Variants in MFSD6 observed in about 807,000 individuals in gnomAD.
MFSD6 encodes major facilitator superfamily domain-containing protein 6.
Under a neutral mutation model 56.3 loss-of-function variants are expected in MFSD6, and 26 were observed. That is an observed-to-expected ratio of 0.46 (90% CI 0.34 to 0.64). The LOEUF (loss-of-function observed/expected upper bound fraction) is 0.64, where lower values mean the gene tolerates loss of function less well. MFSD6 is among the 30% of genes least tolerant of loss of function. The pLI is 0.01. For missense variants in MFSD6, 750 were observed against 986.2 expected (o/e 0.76, Z 3.21); for synonymous variants, 331 against 366.9 (o/e 0.90, Z 1.12).
intron 4 of MFSD6, among the ~76,000 whole-genome samples, chr2:190,486,578 CTTG>C (rs1689021351): frequency 6.6e-6 from 1 of 152,170 alleles, no homozygotes; most frequent in African/African-American, 2.4e-5. Context: ...GATCACTGTC[CTTG>C]TTGCTGATGT....
rs1559109240 is a variant in MFSD6 at position 190,434,694 on chromosome 2, AGT to A, written c.-53-1281_-53-1280del. 1.3e-5 allele frequency among the ~76,000 whole-genome samples: 2 copies of A among 152,166 alleles called. No homozygotes were observed. Among genetic ancestry groups the A allele is most frequent in the Non-Finnish European group, 2.9e-5 (2 of 68,026 alleles). On this transcript the variant is annotated intron_variant, in intron 2 of 7. Transcript: ENST00000392328. This position sits in a 1 kb window ranked among gnomAD's most constrained non-coding sequence, Gnocchi z 4.3. ...TGATCCGCCCCCCTCAGCCTCCCAA[AGT>A]GCTGGGATTACAGGTGTGAGCCACC...
Position 190,431,146 on chromosome 2 carries a change from G to A in MFSD6, c.-53-4831G>A, listed in dbSNP as rs1476316006. Among the ~76,000 whole-genome samples, 9 of 150,426 alleles carry A rather than the reference G, an allele frequency of 6.0e-5. No individual in the cohort carries two copies. In the East Asian group the frequency reaches 1.8e-3, roughly 30 times the overall value. On this transcript the variant is annotated intron_variant, in intron 2 of 7. Coordinates refer to ENST00000392328, the MANE Select transcript of MFSD6 (RefSeq NM_017694.4). The surrounding 1 kb of genome is among the most constrained non-coding windows in gnomAD (Gnocchi z 4.4). ...AGGCGCTCCCCACATCTCAGACGAT[G>A]GGCAGCCAGGCAGAGACGCTCCTCA...
At position 190,431,713 on chromosome 2, in the gene MFSD6, CTG is replaced by C. The variant is rs1559107848; in HGVS notation, c.-53-4261_-53-4260del. Among the ~76,000 whole-genome samples, 1 of 151,890 alleles carries C rather than the reference CTG, an allele frequency of 6.6e-6. No individual in the cohort carries two copies. Among genetic ancestry groups the C allele is most frequent in the Non-Finnish European group, 1.5e-5 (1 of 67,976 alleles). ...CCGTGGAAAGAGAGGGAGAGGGAGA[CTG>C]TGGGGAGAGGGAGGGAGAGGGAGAG... On this transcript the variant is annotated intron_variant, in intron 2 of 7. Coordinates refer to ENST00000392328, the MANE Select transcript of MFSD6 (RefSeq NM_017694.4). The surrounding 1 kb of genome is among the most constrained non-coding windows in gnomAD (Gnocchi z 4.4).
In MFSD6 at chr2:190,451,023, G is replaced by A. The variant is rs1559118611; in HGVS notation, c.1532+13462G>A. Among the ~76,000 whole-genome samples, 2 of 152,228 alleles carry A rather than the reference G, an allele frequency of 1.3e-5. No individual in the cohort carries two copies. Among genetic ancestry groups the A allele is most frequent in the South Asian group, 4.1e-4 (2 of 4,828 alleles). On this transcript the variant is annotated intron_variant, in intron 3 of 7. Transcript: ENST00000392328. The surrounding 1 kb of genome is among the most constrained non-coding windows in gnomAD (Gnocchi z 5.0). The stretch of plus-strand genomic sequence containing the variant: ...CATTTCATTCCATTGAGGAGAATGA[G>A]AAGAGAGCAAGTTGGTCTAGGCTTG...
At chr2:190,450,264 TA>T in intron 3 of MFSD6, among the ~76,000 whole-genome samples, 1 of 152,108 alleles carries the variant, frequency 6.6e-6, no homozygotes, top group Non-Finnish European at 1.5e-5. Flanking sequence ...TGCAATTATA[TA>T]ATTTTGAAGG....
intron 4 of MFSD6, among the ~76,000 whole-genome samples, chr2:190,483,473 G>C (rs1688817788): frequency 6.6e-6 from 1 of 152,126 alleles, no homozygotes; most frequent in Admixed American, 6.5e-5. Context: ...ACCTATTGGA[G>C]GAATAGATTC....
intron 2 of MFSD6, among the ~76,000 whole-genome samples, chr2:190,430,635 T>C (rs1256304275): frequency 1.2e-4 from 18 of 151,178 alleles, no homozygotes; most frequent in Admixed American, 2.6e-4. Context: ...ACCATCCGAT[T>C]TCTCAATCTT....
At position 190,437,810 on chromosome 2, in the gene MFSD6, C is replaced by T. The variant is rs1480228932; in HGVS notation, c.1532+249C>T. Among the ~76,000 whole-genome samples the T allele has an allele frequency of 6.6e-6, 1 of 152,142 alleles. No individual in the cohort carries two copies. Among genetic ancestry groups the T allele is most frequent in the East Asian group, 1.9e-4 (1 of 5,190 alleles). ...TGCTCTCCCACCCCACAGAAAAGAC[C>T]TATAGGCTACCTAGCTGTGTGCTAA... is the stretch of plus-strand genomic sequence containing the variant. On this transcript the variant is annotated intron_variant, in intron 3 of 7. Coordinates refer to ENST00000392328, the MANE Select transcript of MFSD6 (RefSeq NM_017694.4). This position sits in a 1 kb window ranked among gnomAD's most constrained non-coding sequence, Gnocchi z 5.9.
intron 4 of MFSD6, among the ~76,000 whole-genome samples, chr2:190,472,085 T>C (rs1417105629): frequency 6.6e-6 from 1 of 152,118 alleles, no homozygotes; most frequent in Non-Finnish European, 1.5e-5. Context: ...CAAAACCCCA[T>C]CTGTACGTCA....
chr2:190,446,167 G>A (rs1686576401), intron 3 of MFSD6, among the ~76,000 whole-genome samples: 1 of 152,192 alleles, frequency 6.6e-6, no homozygotes, highest in African/African-American at 2.4e-5. Context: ...TTGTGGTGAG[G>A]TTTAGTTTCC....
At chr2:190,445,078 C>T (rs1043377500) in intron 3 of MFSD6, among the ~76,000 whole-genome samples, 1 of 152,142 alleles carries the variant, frequency 6.6e-6, no homozygotes, top group Non-Finnish European at 1.5e-5. Flanking sequence ...TTGAGTTGAA[C>T]TGGCCTGGCT....
intron 3 of MFSD6, among the ~76,000 whole-genome samples, chr2:190,466,871 G>T (rs369308251): frequency 1.3e-5 from 2 of 152,244 alleles, no homozygotes; most frequent in South Asian, 2.1e-4. Context: ...GAGACCTAAG[G>T]GTCCCAGAAG....
chr2:190,486,750 C>A (rs758745456), intron 4 of MFSD6, among the ~76,000 whole-genome samples: 1 of 152,140 alleles, frequency 6.6e-6, no homozygotes, highest in Non-Finnish European at 1.5e-5. Context: ...TTCCAAAATA[C>A]GAGTTAAGAG....
At chr2:190,446,496 A>G (rs1421732714) in intron 3 of MFSD6, among the ~76,000 whole-genome samples, 1 of 152,210 alleles carries the variant, frequency 6.6e-6, no homozygotes, top group Non-Finnish European at 1.5e-5. Context: ...TGGGAGAGCT[A>G]TGTGTTAGCA....
At chr2:190,483,727 C>G (rs575576194) in intron 4 of MFSD6, among the ~76,000 whole-genome samples, 1 of 149,698 alleles carries the variant, frequency 6.7e-6, no homozygotes, top group Non-Finnish European at 1.5e-5. Context: ...CCCAGCTACT[C>G]GGAAGGCTGA....
chr2:190,500,504 GC>G lies in MFSD6; in HGVS notation c.*288del, dbSNP rs536900740. On this transcript the variant is annotated 3_prime_UTR_variant, in exon 8 of 8. Coordinates refer to ENST00000392328, the MANE Select transcript of MFSD6 (RefSeq NM_017694.4). This position sits in a 1 kb window ranked among gnomAD's most constrained non-coding sequence, Gnocchi z 5.3. The stretch of plus-strand genomic sequence containing the variant: ...AGGTTAAGGATGATAGAATTTCTCT[GC>G]CAGTGCAGTAAGAGTTGAAACCGGC... 2.8e-3 allele frequency: 1,067 copies of G among 375,704 alleles called. 13 individuals are homozygous for G. The highest frequency in any genetic ancestry group is 0.02 in the African/African-American group (994 of 49,526). The allele number at this position is 375,704 out of a possible 1,614,324, so 23.3% of individuals were successfully genotyped here.
rs138326601 is a variant in MFSD6 at position 190,459,820 on chromosome 2, T to C, written c.1533-9938T>C. Reference sequence around the variant, plus strand: ...TAGAGACTCAGACCCAAATTACTTTTACCTTTTCTCTTTCTAGCAGAAACA... The same window carrying C: ...TAGAGACTCAGACCCAAATTACTTTCACCTTTTCTCTTTCTAGCAGAAACA... On this transcript the variant is annotated intron_variant, in intron 3 of 7. Coordinates refer to ENST00000392328, the MANE Select transcript of MFSD6 (RefSeq NM_017694.4). The surrounding 1 kb of genome is among the most constrained non-coding windows in gnomAD (Gnocchi z 5.3). 1.3e-5 allele frequency among the ~76,000 whole-genome samples: 2 copies of C among 152,344 alleles called. No individual in the cohort carries two copies. Among genetic ancestry groups the C allele is most frequent in the African/African-American group, 4.8e-5 (2 of 41,584 alleles).
chr2:190,450,827 A>G (rs1333588315), intron 3 of MFSD6, among the ~76,000 whole-genome samples: 3 of 152,140 alleles, frequency 2.0e-5, no homozygotes, highest in Non-Finnish European at 4.4e-5. Flanking sequence ...AAGTTAACAT[A>G]TAGATTGAAG....
In MFSD6 at chr2:190,487,748, C is replaced by A. The variant is rs1689094435; in HGVS notation, c.1631-909C>A. Reference sequence around the variant, plus strand: ...TATTTTAAAAAGATATATATAAGTTCTGGCAAGGAGGTGGAGAAATTGGAT... The same window carrying A: ...TATTTTAAAAAGATATATATAAGTTATGGCAAGGAGGTGGAGAAATTGGAT... On this transcript the variant is annotated intron_variant, in intron 4 of 7. Coordinates refer to ENST00000392328, the MANE Select transcript of MFSD6 (RefSeq NM_017694.4). The surrounding 1 kb of genome is among the most constrained non-coding windows in gnomAD (Gnocchi z 5.5). 6.6e-6 allele frequency among the ~76,000 whole-genome samples: 1 copy of A among 152,186 alleles called. No homozygotes were observed.
Sources: allele counts gnomAD v4.1 joint callset (sites outside exome capture counted in the v4.1 genomes callset), GRCh38; gene constraint gnomAD v4.1.1; non-coding constraint Gnocchi (gnomAD v3.1); transcripts MANE v1.5; gene names NCBI Gene and HGNC (gene_info 2026-07-23, HGNC 2026-07-21).